Variants in LARGE1 observed in about 807,000 individuals in gnomAD.
LARGE1 encodes the protein xylosyl- and glucuronyltransferase LARGE1.
LARGE1 carries 43 observed loss-of-function variants against 87.6 expected under a neutral mutation model. That is an observed-to-expected ratio of 0.49 (90% CI 0.38 to 0.63). LARGE1 has a LOEUF of 0.63. LARGE1 is among the 30% of genes least tolerant of loss of function. The probability of loss-of-function intolerance (pLI) is 0.00; values close to 1 mark genes in which losing one functional copy is unlikely to be tolerated. For missense variants in LARGE1, 802 were observed against 1,000.2 expected (o/e 0.80, Z 2.67); for synonymous variants, 434 against 394.6 (o/e 1.10, Z -1.18).
intron 2 of LARGE1, among the ~76,000 whole-genome samples, chr22:33,651,912 G>T (rs1197677210): frequency 6.6e-6 from 1 of 152,038 alleles, no homozygotes; most frequent in Non-Finnish European, 1.5e-5. Flanking sequence ...GGTGGCTCAT[G>T]CCTGTAATCC....
At chr22:33,084,888 A>G in the LARGE1 span, among the ~76,000 whole-genome samples, 1 of 152,230 alleles carries the variant, frequency 6.6e-6, no homozygotes, top group Non-Finnish European at 1.5e-5. Flanking sequence ...AAATCTAGTG[A>G]GTATTTTACA....
At chr22:33,241,881 C>T (rs144292494) in intron 11 of LARGE1, among the ~76,000 whole-genome samples, 5 of 152,076 alleles carry the variant, frequency 3.3e-5, no homozygotes, top group Non-Finnish European at 7.4e-5. Flanking sequence ...GCATAGCTGT[C>T]CATCAAAGGG....
intron 1 of LARGE1, among the ~76,000 whole-genome samples, chr22:33,854,677 T>TA (rs3072344): frequency 0.22 from 33,291 of 148,910 alleles, 3,717 homozygotes; most frequent in East Asian, 0.34. Flanking sequence ...CCAGTTTATT[T>TA]AAAAAAAAAA....
intron 6 of LARGE1, among the ~76,000 whole-genome samples, chr22:33,493,357 C>T (rs2069949641): frequency 6.6e-6 from 1 of 151,946 alleles, no homozygotes; most frequent in Non-Finnish European, 1.5e-5. Flanking sequence ...GACGGGGTTT[C>T]ACCATGTTGG....
At chr22:33,788,266 C>T (rs1192942177) in intron 1 of LARGE1, among the ~76,000 whole-genome samples, 3 of 152,196 alleles carry the variant, frequency 2.0e-5, no homozygotes, top group Non-Finnish European at 4.4e-5. Flanking sequence ...AGCTTTCTTG[C>T]CTGCTGCCAT....
intron 6 of LARGE1, among the ~76,000 whole-genome samples, chr22:33,556,554 G>GGGAGGGAGGGAGGGAGGGAGGGAGGGAA (rs2077689527): frequency 1.2e-5 from 1 of 83,770 alleles, no homozygotes; most frequent in African/African-American, 6.6e-5. Flanking sequence ...GAGGGAGGGA[G>GGGAGGGAGGGAGGGAGGGAGGGAGGGAA]GGAGGGAGGG....
chr22:33,125,574 G>A, the LARGE1 span, among the ~76,000 whole-genome samples: 1 of 151,868 alleles, frequency 6.6e-6, no homozygotes, highest in South Asian at 2.1e-4. Context: ...AGCCTCCTGA[G>A]TAGCTGGGAC....
At chr22:33,561,436 G>A (rs2077856710) in intron 6 of LARGE1, among the ~76,000 whole-genome samples, 1 of 152,156 alleles carries the variant, frequency 6.6e-6, no homozygotes, top group Admixed American at 6.5e-5. Flanking sequence ...AGTTTCCCAT[G>A]TGAGGGACCC....
chr22:33,397,590 T>A (rs1402060488), intron 7 of LARGE1, among the ~76,000 whole-genome samples: 1 of 152,254 alleles, frequency 6.6e-6, no homozygotes, highest in Admixed American at 6.5e-5. Context: ...GACATGAATA[T>A]CTTACTCTAC....
chr22:33,653,923 G>T (rs995418277), intron 2 of LARGE1, among the ~76,000 whole-genome samples: 3 of 152,176 alleles, frequency 2.0e-5, no homozygotes, highest in Admixed American at 2.0e-4. Flanking sequence ...ACATGGAGGA[G>T]CAAGCAAGCA....
intron 4 of LARGE1, among the ~76,000 whole-genome samples, chr22:33,605,519 G>A (rs879740427): frequency 2.0e-5 from 3 of 152,182 alleles, no homozygotes; most frequent in Non-Finnish European, 2.9e-5. Flanking sequence ...CTTCTCATCA[G>A]GCTGCTGTGT....
At chr22:33,333,720 A>G (rs559944317) in intron 10 of LARGE1, among the ~76,000 whole-genome samples, 34 of 152,370 alleles carry the variant, frequency 2.2e-4, no homozygotes, top group Admixed American at 2.0e-3. Flanking sequence ...GGTGAACAGT[A>G]CAAAGTCTTT....
intron 6 of LARGE1, among the ~76,000 whole-genome samples, chr22:33,476,431 C>T (rs939822260): frequency 2.0e-5 from 3 of 152,172 alleles, no homozygotes; most frequent in African/African-American, 7.2e-5. Context: ...TTCGACTTGT[C>T]CCTCCTTTCT....
rs1352969240 is a variant in LARGE1, at chr22:33,830,140, CGT to C, written c.-82-68584_-82-68583del. Among the ~76,000 whole-genome samples, 11 of 152,132 alleles carry C rather than the reference CGT, an allele frequency of 7.2e-5. No homozygotes were observed. The East Asian group carries it at 2.1e-3, about 29-fold the overall frequency. On this transcript the variant is annotated intron_variant, in intron 1 of 14. Transcript: ENST00000397394. ...CTCTCTGCTCATTTATTAAAGCAACCGTGTGTGCTCCCACCGTGACACCCAAG... is the reference window on the plus strand; with the variant it reads ...CTCTCTGCTCATTTATTAAAGCAACCGTGTGCTCCCACCGTGACACCCAAG...
intron 6 of LARGE1, among the ~76,000 whole-genome samples, chr22:33,485,282 G>A (rs1261985244): frequency 6.8e-6 from 1 of 146,736 alleles, no homozygotes; most frequent in Non-Finnish European, 1.5e-5. Context: ...GGCACGATCT[G>A]GGCTCACTGC....
chr22:33,744,949 C>T (rs767097571), intron 2 of LARGE1, among the ~76,000 whole-genome samples: 1 of 152,186 alleles, frequency 6.6e-6, no homozygotes, highest in African/African-American at 2.4e-5. Context: ...ATGCTAGTGC[C>T]TCCCTGGGTG....
chr22:33,853,324 C>G (rs770664490), intron 1 of LARGE1, among the ~76,000 whole-genome samples: 11 of 152,172 alleles, frequency 7.2e-5, no homozygotes, highest in Non-Finnish European at 5.9e-5. Context: ...CAGGCAGAAA[C>G]AGCCGCTGCT....
At chr22:33,263,298 C>A (rs559593704) in intron 11 of LARGE1, among the ~76,000 whole-genome samples, 1 of 152,322 alleles carries the variant, frequency 6.6e-6, no homozygotes, top group African/African-American at 2.4e-5. Context: ...CCTATATAAT[C>A]TCTCTGTGAA....
intron 11 of LARGE1, among the ~76,000 whole-genome samples, chr22:33,307,898 C>T (rs1305711904): frequency 1.3e-5 from 2 of 151,946 alleles, no homozygotes; most frequent in Non-Finnish European, 2.9e-5. Flanking sequence ...AAGGGTCGTC[C>T]CCGTGCAGTT....
Sources: gnomAD v4.1 joint callset for allele counts (sites outside exome capture counted in the v4.1 genomes callset) on GRCh38, gnomAD v4.1.1 for gene constraint, MANE v1.5 for transcripts, NCBI Gene and HGNC (gene_info 2026-07-23, HGNC 2026-07-21) for gene names.